APBA1: variants seen among roughly 807,000 people sequenced by gnomAD.
The protein encoded by APBA1 is amyloid-beta A4 precursor protein-binding family A member 1.
A neutral mutation model predicts 86.6 loss-of-function variants in APBA1; 55 were observed. The observed-to-expected ratio is 0.64, with a 90% CI of 0.51 to 0.80. APBA1 has a LOEUF of 0.80. APBA1 is among the 30% of genes least tolerant of loss of function. The pLI, the probability that APBA1 is intolerant of heterozygous loss-of-function variation, is 0.00. For missense variants in APBA1, 1,090 were observed against 1,183.0 expected, an observed-to-expected ratio of 0.92 and a Z score of 1.15; for synonymous variants, 511 against 493.9, an observed-to-expected ratio of 1.03 and a Z score of -0.46.
chr9:69,624,243 A>C (rs916956541), intron 1 of APBA1, among the ~76,000 whole-genome samples: 1 of 152,180 alleles, frequency 6.6e-6, no homozygotes, highest in Non-Finnish European at 1.5e-5. Flanking sequence ...TAAGACCAAC[A>C]TAAGGATGGG....
chr9:69,591,152 T>A (rs762185738), intron 1 of APBA1, among the ~76,000 whole-genome samples: 1 of 152,162 alleles, frequency 6.6e-6, no homozygotes, highest in Non-Finnish European at 1.5e-5. Flanking sequence ...TTCCAAATGC[T>A]TTCAAGGCAG....
chr9:69,635,185 A>G (rs976800404), intron 1 of APBA1, among the ~76,000 whole-genome samples: 5 of 152,188 alleles, frequency 3.3e-5, no homozygotes, highest in African/African-American at 1.2e-4. Context: ...GTACAATAAG[A>G]TATAAACAGA....
chr9:69,672,311 C>G lies in APBA1; in HGVS notation c.-228G>C. On this transcript the variant is annotated 5_prime_UTR_variant, in exon 1 of 13. Transcript: ENST00000265381. ...GCCGCCGCCGCCGCCGCCGCCGGGA[C>G]CGCAGCCGCCCTCGCCCAGCTCCGG... 5.7e-6 allele frequency: 1 copy of G among 175,192 alleles called. No individual in the cohort carries two copies. The highest frequency in any genetic ancestry group is 1.2e-5 in the Non-Finnish European group (1 of 86,174). The allele number at this position is 175,192 out of a possible 1,614,324, so 10.9% of individuals were successfully genotyped here.
At chr9:69,663,121 T>C (rs1002335959) in intron 1 of APBA1, among the ~76,000 whole-genome samples, 5 of 152,322 alleles carry the variant, frequency 3.3e-5, no homozygotes, top group African/African-American at 1.2e-4. Flanking sequence ...CATATTAGGG[T>C]TCACCAATGC....
At chr9:69,455,516 A>C (rs149961875) in intron 8 of APBA1, among the ~76,000 whole-genome samples, 145 of 152,116 alleles carry the variant, frequency 9.5e-4, no homozygotes, top group Admixed American at 2.0e-3. Flanking sequence ...CTTCTGTTGT[A>C]AACAAATTTT....
intron 8 of APBA1, among the ~76,000 whole-genome samples, chr9:69,453,440 C>A (rs1835045068): frequency 6.6e-6 from 1 of 152,172 alleles, no homozygotes; most frequent in South Asian, 2.1e-4. Context: ...CTTTTCCCTG[C>A]ATTAATTAAG....
At chr9:69,643,240 C>A (rs964672342) in intron 1 of APBA1, among the ~76,000 whole-genome samples, 1 of 152,198 alleles carries the variant, frequency 6.6e-6, no homozygotes, top group Non-Finnish European at 1.5e-5. Flanking sequence ...TCTACACAAG[C>A]TCCCCATGAA....
chr9:69,628,719 A>G (rs1459709008), intron 1 of APBA1, among the ~76,000 whole-genome samples: 1 of 152,200 alleles, frequency 6.6e-6, no homozygotes, highest in Non-Finnish European at 1.5e-5. Flanking sequence ...ATCTTATTAT[A>G]CTATACAGGA....
intron 8 of APBA1, among the ~76,000 whole-genome samples, chr9:69,455,191 G>A (rs953736201): frequency 2.0e-5 from 3 of 152,162 alleles, no homozygotes; most frequent in Non-Finnish European, 4.4e-5. Flanking sequence ...GCTATCAGAC[G>A]CCATCTTCTC....
intron 1 of APBA1, among the ~76,000 whole-genome samples, chr9:69,621,677 C>CAT (rs1005851655): frequency 6.2e-4 from 79 of 127,566 alleles, no homozygotes; most frequent in Non-Finnish European, 1.1e-3. Flanking sequence ...CAAATAAATT[C>CAT]ATATATATAT....
At chr9:69,446,861 C>T (rs938866908) in intron 10 of APBA1, among the ~76,000 whole-genome samples, 4 of 152,164 alleles carry the variant, frequency 2.6e-5, no homozygotes, top group African/African-American at 7.2e-5. Context: ...CCTCAGGAAG[C>T]GCGGCTTGTT....
chr9:69,627,480 C>A (rs184945560), intron 1 of APBA1, among the ~76,000 whole-genome samples: 18 of 152,190 alleles, frequency 1.2e-4, no homozygotes, highest in African/African-American at 4.1e-4. Flanking sequence ...TCACTGAGTT[C>A]ATCTGGACCA....
intron 1 of APBA1, among the ~76,000 whole-genome samples, chr9:69,532,643 T>C (rs1270686161): frequency 6.6e-6 from 1 of 152,214 alleles, no homozygotes; most frequent in Non-Finnish European, 1.5e-5. Flanking sequence ...ATTATTTCAG[T>C]GTGTGCTTTG....
chr9:69,529,452 GA>G (rs953187108), intron 1 of APBA1, among the ~76,000 whole-genome samples: 1 of 152,032 alleles, frequency 6.6e-6, no homozygotes, highest in Admixed American at 6.6e-5. Flanking sequence ...AACAGGAAAA[GA>G]AATATAATGT....
At chr9:69,447,235 G>C (rs772037180) in intron 10 of APBA1, among the ~76,000 whole-genome samples, 254 of 152,234 alleles carry the variant, frequency 1.7e-3, no homozygotes, top group Non-Finnish European at 2.6e-3. Context: ...ATATGTATTT[G>C]GAGGGAACAC....
chr9:69,571,984 A>G (rs1340245105), intron 1 of APBA1, among the ~76,000 whole-genome samples: 1 of 152,208 alleles, frequency 6.6e-6, no homozygotes, highest in Non-Finnish European at 1.5e-5. Flanking sequence ...CACTGCTTCA[A>G]TGCACAATCA....
At chr9:69,527,218 A>G (rs1250136860) in intron 1 of APBA1, among the ~76,000 whole-genome samples, 1 of 152,090 alleles carries the variant, frequency 6.6e-6, no homozygotes, top group Non-Finnish European at 1.5e-5. Context: ...TACCCCCTGA[A>G]TCTAAAAGTT....
chr9:69,542,390 C>T (rs897618515), intron 1 of APBA1, among the ~76,000 whole-genome samples: 1 of 152,120 alleles, frequency 6.6e-6, no homozygotes, highest in Non-Finnish European at 1.5e-5. Flanking sequence ...GTTTCACTGC[C>T]CTGGTTTCTT....
chr9:69,435,848 A>G (rs1245507583), intron 11 of APBA1, among the ~76,000 whole-genome samples: 1 of 152,168 alleles, frequency 6.6e-6, no homozygotes. Flanking sequence ...TTGGTGTTTT[A>G]GACATGAAGT....
Sources: allele counts gnomAD v4.1 joint callset (sites outside exome capture counted in the v4.1 genomes callset), GRCh38; gene constraint gnomAD v4.1.1; transcripts MANE v1.5; gene names NCBI Gene and HGNC (gene_info 2026-07-23, HGNC 2026-07-21).